The following MARK4 variants were observed in gnomAD, a reference collection of about 807,000 sequenced individuals.
MARK4 encodes microtubule affinity regulating kinase 4.
In MARK4, 19 loss-of-function variants were observed where a neutral mutation model predicts 81.5. The observed-to-expected ratio is 0.23, with a 90% CI of 0.16 to 0.34. MARK4 has a LOEUF of 0.34. Ranked by LOEUF, MARK4 falls within the 10% of genes least tolerant of loss-of-function variation. The pLI, the probability that MARK4 is intolerant of heterozygous loss-of-function variation, is 1.00. For missense variants in MARK4, 772 were observed against 1,058.8 expected, an observed-to-expected ratio of 0.73 and a Z score of 3.76; for synonymous variants, 436 against 439.0, an observed-to-expected ratio of 0.99 and a Z score of 0.08.
chr19:45,255,283 G>A (rs935281071), intron 1 of MARK4, among the ~76,000 whole-genome samples: 3 of 151,828 alleles, frequency 2.0e-5, no homozygotes, highest in African/African-American at 7.3e-5. Flanking sequence ...GGAAACTATC[G>A]GGCACGGTGG....
chr19:45,253,804 G>T (rs1026850833), intron 1 of MARK4, among the ~76,000 whole-genome samples: 2 of 152,148 alleles, frequency 1.3e-5, no homozygotes, highest in African/African-American at 4.8e-5. Flanking sequence ...TAATTGTTCA[G>T]ATAAACTTGG....
Position 45,302,616 on chromosome 19 carries a change from C to G in MARK4, c.2165C>G (p.Pro722Arg). 2 of 1,553,760 alleles carry G rather than the reference C, an allele frequency of 1.3e-6. No individual in the cohort carries two copies. The highest frequency in any genetic ancestry group is 1.7e-6 in the Non-Finnish European group (2 of 1,156,584). The change falls in exon 17 of 17, where the codon CCA (proline) becomes CGA (arginine). Residue 722 changes from proline (P) to arginine (R), a missense_variant. Pro to Arg is a moderately radical substitution (Grantham distance 103, BLOSUM62 -2). Around this residue, in one of 3 missense-constraint regions of MARK4, gnomAD observed 548 missense variants for 624.3 expected, o/e 0.88. Coordinates refer to ENST00000262891, the MANE Select transcript of MARK4 (RefSeq NM_001199867.2). The surrounding 1 kb of genome is among the most constrained non-coding windows in gnomAD (Gnocchi z 4.9). ...FEVEVCQLPR[P>R]GLRGVLFRRV... ...GTGGAGGTCTGCCAGCTGCCCCGGC[C>G]AGGCTTGCGGGGAGTTCTCTTCCGC...
intron 1 of MARK4, among the ~76,000 whole-genome samples, chr19:45,257,383 CTTTTTTT>C (rs35210904): frequency 4.8e-5 from 6 of 124,386 alleles, no homozygotes; most frequent in Non-Finnish European, 8.3e-5. Flanking sequence ...TTTTCTTTCT[CTTTTTTT>C]TTTTTTTTTT....
intron 13 of MARK4, among the ~76,000 whole-genome samples, chr19:45,292,207 G>A (rs1222199405): frequency 6.6e-6 from 1 of 152,178 alleles, no homozygotes; most frequent in Non-Finnish European, 1.5e-5. Flanking sequence ...GGAGGCTGAG[G>A]TGGGAGGATT....
intron 1 of MARK4, among the ~76,000 whole-genome samples, chr19:45,256,991 T>A (rs1970315152): frequency 6.6e-6 from 1 of 152,162 alleles, no homozygotes; most frequent in South Asian, 2.1e-4. Context: ...TCTTGCTCTG[T>A]TGCCCAGGCT....
At chr19:45,285,501 G>A (rs772574194) in intron 12 of MARK4, among the ~76,000 whole-genome samples, 1 of 152,180 alleles carries the variant, frequency 6.6e-6, no homozygotes, top group African/African-American at 2.4e-5. Flanking sequence ...CCCAGCATGA[G>A]CCCCACACGG....
chr19:45,260,385 G>A (rs1345548146), intron 2 of MARK4, among the ~76,000 whole-genome samples: 2 of 114,038 alleles, frequency 1.8e-5, no homozygotes, highest in African/African-American at 6.3e-5. Flanking sequence ...CCGAGACTTT[G>A]TCTCAAAAAA....
At chr19:45,293,973 T>G (rs62118539) in intron 13 of MARK4, among the ~76,000 whole-genome samples, 32,443 of 152,084 alleles carry the variant, frequency 0.21, 4,112 homozygotes, top group Non-Finnish European at 0.3. Flanking sequence ...CACAGGCTAG[T>G]CACAGTGACA....
chr19:45,294,544 T>A, intron 14 of MARK4, 92 bp downstream of exon 14: 1 of 1,108,680 alleles, frequency 9.0e-7, no homozygotes, highest in South Asian at 1.3e-5. Context: ...CATTGGAGGC[T>A]GGTGCCATGG....
chr19:45,265,222 G>A (rs370982738), intron 6 of MARK4, among the ~76,000 whole-genome samples: 136 of 152,254 alleles, frequency 8.9e-4, no homozygotes, highest in African/African-American at 2.7e-3. Context: ...ATGGGGGCAC[G>A]AAGGTGCCAG....
rs141770263 is a variant in MARK4 at position 45,278,563 on chromosome 19, G to A, written c.954G>A (p.Glu318=). The part of the protein sequence containing the change: ...KWINIGYEGE[E]LKPYTEPEED... ...TCAACATCGGCTATGAGGGTGAGGAGTTGAAGCCATACACAGAGCCCGAGG... is the reference window on the plus strand; with the variant it reads ...TCAACATCGGCTATGAGGGTGAGGAATTGAAGCCATACACAGAGCCCGAGG... The change falls in exon 10 of 17, where the codon GAG becomes GAA. Residue 318 remains glutamate, a synonymous_variant. Coordinates refer to ENST00000262891, the MANE Select transcript of MARK4 (RefSeq NM_001199867.2). The A allele has an allele frequency of 8.7e-6, 14 of 1,613,942 alleles. No homozygotes were observed. The African/African-American group carries it at 1.5e-4, about 17-fold the overall frequency.
Position 45,251,438 on chromosome 19 carries a change from C to T in MARK4, c.-151C>T. The T allele has an allele frequency of 2.0e-6, 1 of 490,166 alleles. No individual in the cohort carries two copies. The highest frequency in any genetic ancestry group is 3.6e-6 in the Non-Finnish European group (1 of 279,468). The allele number at this position is 490,166 out of a possible 1,614,324, so 30.4% of individuals were successfully genotyped here. On this transcript the variant is annotated 5_prime_UTR_variant, in exon 1 of 17. Transcript: ENST00000262891. ...GCGTCCCTTCCCCTCCCCCGCCCTGCCCCCTCTCCCGCCGCGCGGACCCGG... is the reference window on the plus strand; with the variant it reads ...GCGTCCCTTCCCCTCCCCCGCCCTGTCCCCTCTCCCGCCGCGCGGACCCGG...
chr19:45,260,520 C>T (rs145483079), intron 2 of MARK4, among the ~76,000 whole-genome samples: 5 of 151,640 alleles, frequency 3.3e-5, no homozygotes, highest in Admixed American at 1.3e-4. Context: ...GGCAAAACCC[C>T]ATCTTTACTG....
rs1568494598 is a variant in MARK4, at chr19:45,271,993, G to T, written c.786+285G>T. Among the ~76,000 whole-genome samples the T allele has an allele frequency of 1.3e-5, 2 of 152,186 alleles. No homozygotes were observed. Among genetic ancestry groups the T allele is most frequent in the East Asian group, 3.8e-4 (2 of 5,198 alleles). On this transcript the variant is annotated intron_variant, in intron 8 of 16. Transcript: ENST00000262891. This position sits in a 1 kb window ranked among gnomAD's most constrained non-coding sequence, Gnocchi z 4.1. Reference sequence around the variant, plus strand: ...TTTATGGCCCACTTCTCTGTGTCAGGCTCTGTTTTGGGCTTTGCATGTAAG... The same window carrying T: ...TTTATGGCCCACTTCTCTGTGTCAGTCTCTGTTTTGGGCTTTGCATGTAAG...
chr19:45,298,368 C>A, intron 15 of MARK4: 1 of 851,690 alleles, frequency 1.2e-6, no homozygotes, highest in Non-Finnish European at 1.9e-6. Flanking sequence ...AGAAGCACAG[C>A]CTATGGAGCC....
rs144225750 is a variant in MARK4 at position 45,270,866 on chromosome 19, G to A, written c.550-606G>A. ...GCTCACCGCAACCTCCACCTCCTGG[G>A]TTCAAGCAATTCTCCTGCCTCAGCC... On this transcript the variant is annotated intron_variant, in intron 7 of 16. Transcript: ENST00000262891. Among the ~76,000 whole-genome samples, 79 of 152,280 alleles carry A rather than the reference G, an allele frequency of 5.2e-4. 1 individual carries two copies. Among genetic ancestry groups the A allele is most frequent in the African/African-American group, 1.8e-3 (75 of 41,556 alleles).
chr19:45,276,666 C>A (rs930040598), intron 8 of MARK4, among the ~76,000 whole-genome samples: 12 of 150,174 alleles, frequency 8.0e-5, no homozygotes, highest in Admixed American at 7.3e-4. Context: ...TGCTCTGCCG[C>A]CCAGGCTGGA....
At chr19:45,284,255 G>A (rs572845174) in intron 12 of MARK4, among the ~76,000 whole-genome samples, 5 of 151,958 alleles carry the variant, frequency 3.3e-5, no homozygotes, top group Admixed American at 2.0e-4. Context: ...TGATCCACCC[G>A]CCTCGGCCTC....
At chr19:45,269,012 G>T (rs906795871) in intron 7 of MARK4, among the ~76,000 whole-genome samples, 18 of 152,110 alleles carry the variant, frequency 1.2e-4, no homozygotes. Flanking sequence ...GTACACCAGG[G>T]GTACCAACCA....
Sources: allele counts gnomAD v4.1 joint callset (sites outside exome capture counted in the v4.1 genomes callset), GRCh38; gene constraint gnomAD v4.1.1; regional missense constraint gnomAD v4.1.1; non-coding constraint Gnocchi (gnomAD v3.1); transcripts MANE v1.5; gene names NCBI Gene and HGNC (gene_info 2026-07-23, HGNC 2026-07-21).